Variants in RPTOR observed in about 807,000 individuals in gnomAD.
RPTOR encodes the protein regulatory associated protein of MTOR complex 1, also known as regulatory-associated protein of mTOR.
RPTOR carries 21 observed loss-of-function variants against 169.9 expected under a neutral mutation model. The ratio of observed to expected loss-of-function variants is 0.12; its 90% CI spans 0.09 to 0.18. The LOEUF (loss-of-function observed/expected upper bound fraction) is 0.18. RPTOR is among the 10% of genes least tolerant of loss of function. The pLI is 1.00. For missense variants in RPTOR, 1,133 were observed against 1,855.9 expected (o/e 0.61, Z 7.16); for synonymous variants, 732 against 753.2 (o/e 0.97, Z 0.46).
intron 24 of RPTOR, among the ~76,000 whole-genome samples, chr17:80,929,977 C>T (rs2068855343): frequency 6.6e-6 from 1 of 152,078 alleles, no homozygotes; most frequent in South Asian, 2.1e-4. Flanking sequence ...CCACCCTCAG[C>T]TCAGTTCATC....
Position 80,594,255 on chromosome 17 carries a change from G to A in RPTOR, c.163-31436G>A, listed in dbSNP as rs1258042470. On this transcript the variant is annotated intron_variant, in intron 1 of 33. Transcript: ENST00000306801. ...ATTAGAGGTGCGTGCCACCATGCCC[G>A]GCTAATTTTTGTATTTTGAGTAGAG... 3.3e-5 allele frequency among the ~76,000 whole-genome samples: 5 copies of A among 151,992 alleles called. No homozygotes were observed. In the South Asian group the frequency reaches 6.2e-4, roughly 19 times the overall value.
intron 17 of RPTOR, 147 bp from the exon 18 acceptor site, chr17:80,891,573 C>G: frequency 1.5e-6 from 1 of 656,880 alleles, no homozygotes; most frequent in Non-Finnish European, 2.7e-6. Context: ...TCTGACGGTT[C>G]GAAAAGGGAT....
At chr17:80,788,426 T>A (rs2067015526) in intron 6 of RPTOR, among the ~76,000 whole-genome samples, 1 of 152,126 alleles carries the variant, frequency 6.6e-6, no homozygotes, top group Non-Finnish European at 1.5e-5. Flanking sequence ...CCAGCCTGGG[T>A]GACAGAGTGA....
chr17:80,949,332 C>T, intron 27 of RPTOR, 111 bp from the exon 28 acceptor site: 1 of 928,730 alleles, frequency 1.1e-6, no homozygotes, highest in Admixed American at 1.8e-5. Flanking sequence ...AGGCTGGCCG[C>T]CCAGGGTCAC....
chr17:80,949,599 A>G (rs2069148045), intron 28 of RPTOR, 52 bp downstream of exon 28: 2 of 1,472,684 alleles, frequency 1.4e-6, no homozygotes, highest in Non-Finnish European at 1.9e-6. Flanking sequence ...GGGGCTGCGG[A>G]CGCACTCGGA....
At position 80,678,737 on chromosome 17, in the gene RPTOR, T is replaced by C. The variant is rs572211080; in HGVS notation, c.349-29104T>C. Among the ~76,000 whole-genome samples the C allele has an allele frequency of 5.9e-5, 9 of 152,316 alleles. No homozygotes were observed. In the South Asian group the frequency reaches 1.9e-3, roughly 32 times the overall value. On this transcript the variant is annotated intron_variant, in intron 3 of 33. Coordinates refer to ENST00000306801, the MANE Select transcript of RPTOR (RefSeq NM_020761.3). ...GGTTCTTGGGTTTTTAAATAATGCA[T>C]GAAGAAGGTGGAAGGAGCGGCGCCC... is the stretch of plus-strand genomic sequence containing the variant.
At chr17:80,757,667 T>C (rs142670634) in intron 6 of RPTOR, among the ~76,000 whole-genome samples, 29 of 152,288 alleles carry the variant, frequency 1.9e-4, no homozygotes, top group Middle Eastern at 3.4e-3. Flanking sequence ...ATACGATGCA[T>C]TAATGATCAA....
At chr17:80,688,032 T>G (rs1489501426) in intron 3 of RPTOR, among the ~76,000 whole-genome samples, 1 of 152,132 alleles carries the variant, frequency 6.6e-6, no homozygotes, top group Non-Finnish European at 1.5e-5. Flanking sequence ...CACTCAGCAG[T>G]CTCCATGCTG....
chr17:80,859,584 G>A (rs946220510), intron 13 of RPTOR, among the ~76,000 whole-genome samples: 2 of 152,202 alleles, frequency 1.3e-5, no homozygotes, highest in East Asian at 1.9e-4. Context: ...AGAGCGGGAC[G>A]GAGGAGCCGG....
chr17:80,940,417 T>G (rs2069010122), intron 24 of RPTOR, 79 bp from the exon 25 acceptor site: 1 of 1,256,924 alleles, frequency 8.0e-7, no homozygotes, highest in Admixed American at 2.0e-5. Flanking sequence ...CGAGGGGTCC[T>G]AGAACCCATA....
intron 20 of RPTOR, 144 bp downstream of exon 20, chr17:80,894,009 G>C: frequency 1.2e-6 from 1 of 848,796 alleles, no homozygotes; most frequent in Non-Finnish European, 1.7e-6. Context: ...ACAGGACTGC[G>C]AGGCAGGGAG....
At chr17:80,703,118 C>A (rs561154663) in intron 3 of RPTOR, among the ~76,000 whole-genome samples, 1 of 152,150 alleles carries the variant, frequency 6.6e-6, no homozygotes, top group Admixed American at 6.5e-5. Context: ...CTTATCTTTC[C>A]GTGCCTTTGT....
In RPTOR at chr17:80,728,042, A is replaced by G. The variant is rs1018931668; in HGVS notation, c.508-2518A>G. ...GGATGGGCGGATGGATGGATGGATG[A>G]ATGGATGGATGGATCGATAGGTAGA... On this transcript the variant is annotated intron_variant, in intron 4 of 33. Transcript: ENST00000306801. 4.6e-5 allele frequency among the ~76,000 whole-genome samples: 7 copies of G among 152,256 alleles called. No homozygotes were observed. The East Asian group carries it at 7.7e-4, about 17-fold the overall frequency.
At chr17:80,961,609 CTGGAACTGGCCA>C in intron 31 of RPTOR, 129 bp downstream of exon 31, 1 of 1,057,816 alleles carries the variant, frequency 9.5e-7, no homozygotes, top group Non-Finnish European at 1.4e-6. Context: ...AACTCCTGCC[CTGGAACTGGCCA>C]GAAAGATCAG....
At chr17:80,881,899 A>G (rs796603584) in intron 14 of RPTOR, among the ~76,000 whole-genome samples, 10 of 152,226 alleles carry the variant, frequency 6.6e-5, no homozygotes, top group African/African-American at 2.4e-4. Context: ...CAAACCATCA[A>G]CCATTGTTTT....
intron 22 of RPTOR, among the ~76,000 whole-genome samples, 188 bp from the exon 23 acceptor site, chr17:80,923,302 C>T (rs1022596098): frequency 1.3e-5 from 2 of 152,204 alleles, no homozygotes; most frequent in Non-Finnish European, 2.9e-5. Context: ...GGCGGGCAAC[C>T]GAGCAGCATG....
At chr17:80,915,304 G>A (rs1392039055) in intron 21 of RPTOR, among the ~76,000 whole-genome samples, 1 of 124,074 alleles carries the variant, frequency 8.1e-6, no homozygotes, top group Non-Finnish European at 1.7e-5. Flanking sequence ...TCTGCTGAGA[G>A]CTGAGCAGAC....
At chr17:80,709,013 A>G (rs1260479921) in intron 4 of RPTOR, 13 of 985,426 alleles carry the variant, frequency 1.3e-5, no homozygotes, top group South Asian at 4.7e-5. Flanking sequence ...CGCAGCTAGC[A>G]TTCGGCACAG....
chr17:80,946,626 G>A (rs571327469), intron 26 of RPTOR, among the ~76,000 whole-genome samples: 1 of 152,364 alleles, frequency 6.6e-6, no homozygotes, highest in South Asian at 2.1e-4. Flanking sequence ...TGTCTTTAAG[G>A]TTCCTCCAAG....
Sources: allele counts gnomAD v4.1 joint callset (sites outside exome capture counted in the v4.1 genomes callset), GRCh38; gene constraint gnomAD v4.1.1; transcripts MANE v1.5; gene names NCBI Gene and HGNC (gene_info 2026-07-23, HGNC 2026-07-21).